DPP10: variants seen among roughly 807,000 people sequenced by gnomAD.
DPP10 encodes dipeptidyl peptidase like 10.
A neutral mutation model predicts 120.9 loss-of-function variants in DPP10; 33 were observed. That is an observed-to-expected ratio of 0.27 (90% CI 0.21 to 0.37). DPP10 has a LOEUF of 0.37. Among genes scored for constraint, DPP10 ranks in the 10% least tolerant of loss-of-function variants. DPP10 has a pLI of 1.00. For missense variants in DPP10, 816 were observed against 942.8 expected, an observed-to-expected ratio of 0.87 and a Z score of 1.76; for synonymous variants, 337 against 326.1, an observed-to-expected ratio of 1.03 and a Z score of -0.36.
chr2:114,527,913 G>A (rs1284772468), intron 1 of DPP10, among the ~76,000 whole-genome samples: 2 of 152,270 alleles, frequency 1.3e-5, no homozygotes, highest in East Asian at 1.9e-4. Context: ...TCAAAACATT[G>A]TGTTATAATC....
intron 1 of DPP10, among the ~76,000 whole-genome samples, chr2:115,283,007 A>G (rs930650548): frequency 6.6e-6 from 1 of 151,914 alleles, no homozygotes; most frequent in Non-Finnish European, 1.5e-5. Flanking sequence ...AGCCTTGAAT[A>G]TTTCCTAATT....
chr2:114,801,284 A>AAAG (rs59445904), intron 1 of DPP10, among the ~76,000 whole-genome samples: 69,967 of 132,344 alleles, frequency 0.53, 18,303 homozygotes, highest in East Asian at 0.77. Context: ...AAAAAAGAAA[A>AAAG]AAAGAAAGAA....
chr2:114,783,384 A>G (rs1388505713), intron 1 of DPP10, among the ~76,000 whole-genome samples: 2 of 152,174 alleles, frequency 1.3e-5, no homozygotes, highest in Non-Finnish European at 2.9e-5. Flanking sequence ...CCATCTCTTA[A>G]CACATTTTCA....
intron 1 of DPP10, among the ~76,000 whole-genome samples, chr2:114,499,468 C>T (rs763191384): frequency 1.3e-5 from 2 of 152,204 alleles, no homozygotes; most frequent in African/African-American, 2.4e-5. Context: ...CTATAGTACA[C>T]TCCATTATAT....
At chr2:115,058,182 G>C (rs1223721608) in intron 1 of DPP10, among the ~76,000 whole-genome samples, 1 of 148,706 alleles carries the variant, frequency 6.7e-6, no homozygotes, top group African/African-American at 2.5e-5. Context: ...TGATATCATA[G>C]AACTTTCTTT....
intron 1 of DPP10, among the ~76,000 whole-genome samples, chr2:114,808,965 C>T (rs1203793437): frequency 1.3e-5 from 2 of 152,038 alleles, no homozygotes; most frequent in Non-Finnish European, 2.9e-5. Context: ...GTGTCTATTA[C>T]CCCTAGAATT....
intron 1 of DPP10, among the ~76,000 whole-genome samples, chr2:114,636,269 A>G (rs966368000): frequency 6.6e-6 from 1 of 152,032 alleles, no homozygotes; most frequent in Non-Finnish European, 1.5e-5. Context: ...CACAGAGAAT[A>G]TTAAAAAGAT....
At chr2:115,503,034 A>T (rs2076764951) in intron 4 of DPP10, among the ~76,000 whole-genome samples, 1 of 152,054 alleles carries the variant, frequency 6.6e-6, no homozygotes, top group Non-Finnish European at 1.5e-5. Flanking sequence ...CATTAATATG[A>T]AAAGGAATAA....
intron 1 of DPP10, among the ~76,000 whole-genome samples, chr2:114,962,139 C>A (rs900749069): frequency 6.6e-6 from 1 of 151,942 alleles, no homozygotes; most frequent in East Asian, 1.9e-4. Flanking sequence ...ACTTCATCAT[C>A]GTAAGTATGT....
At chr2:114,501,709 T>A (rs1683198709) in intron 1 of DPP10, among the ~76,000 whole-genome samples, 1 of 152,182 alleles carries the variant, frequency 6.6e-6, no homozygotes, top group African/African-American at 2.4e-5. Flanking sequence ...ATATCTGTCA[T>A]CCTGCTTATG....
intron 1 of DPP10, among the ~76,000 whole-genome samples, chr2:114,950,465 T>A (rs1697700267): frequency 7.2e-6 from 1 of 139,560 alleles, no homozygotes; most frequent in Non-Finnish European, 1.6e-5. Context: ...CCGGTAATTT[T>A]TTTATTTTTT....
At chr2:115,029,385 A>G (rs1410621385) in intron 1 of DPP10, among the ~76,000 whole-genome samples, 2 of 151,334 alleles carry the variant, frequency 1.3e-5, no homozygotes, top group Admixed American at 1.3e-4. Flanking sequence ...AGAGTATTCT[A>G]GGTTTGTCTG....
At chr2:114,918,293 A>G (rs1020879259) in intron 1 of DPP10, among the ~76,000 whole-genome samples, 1 of 152,186 alleles carries the variant, frequency 6.6e-6, no homozygotes, top group Non-Finnish European at 1.5e-5. Context: ...GAAAAGTCAA[A>G]AAATAACATG....
chr2:114,459,685 T>C (rs2104561291), intron 1 of DPP10, among the ~76,000 whole-genome samples: 1 of 152,346 alleles, frequency 6.6e-6, no homozygotes, highest in Non-Finnish European at 1.5e-5. Flanking sequence ...GATAATCATC[T>C]AGTTTATTGT....
At chr2:115,260,305 A>G (rs1292307466) in intron 1 of DPP10, among the ~76,000 whole-genome samples, 1 of 152,172 alleles carries the variant, frequency 6.6e-6, no homozygotes, top group Non-Finnish European at 1.5e-5. Flanking sequence ...AATGGGTTCA[A>G]ATCATTCCGT....
At chr2:114,643,932 TA>T (rs1349921214) in intron 1 of DPP10, among the ~76,000 whole-genome samples, 37 of 128,568 alleles carry the variant, frequency 2.9e-4, no homozygotes, top group African/African-American at 1.1e-3. Context: ...TATATATATA[TA>T]TATTTTTTTT....
chr2:115,672,642 T>TTCTC (rs1239371566), intron 5 of DPP10, among the ~76,000 whole-genome samples: 1 of 142,552 alleles, frequency 7.0e-6, no homozygotes, highest in Admixed American at 6.9e-5. Flanking sequence ...CTTTCTTTCT[T>TTCTC]TCTCTCTCTC....
chr2:114,608,890 A>G lies in DPP10; in HGVS notation c.60+166052A>G, dbSNP rs1327294250. ...CCGTAGAAACTGGGGATGACTAGAA[A>G]GGGGAGAGAGGAAGGACGGCAAGGG... On this transcript the variant is annotated intron_variant, in intron 1 of 25. Transcript: ENST00000410059. 7.2e-5 allele frequency among the ~76,000 whole-genome samples: 11 copies of G among 152,246 alleles called. No individual in the cohort carries two copies. The East Asian group carries it at 2.1e-3, about 29-fold the overall frequency.
intron 1 of DPP10, among the ~76,000 whole-genome samples, chr2:114,574,331 T>C (rs1295136687): frequency 6.6e-6 from 1 of 152,118 alleles, no homozygotes; most frequent in Non-Finnish European, 1.5e-5. Context: ...AATCTCCCTC[T>C]CTAGCAGGGT....
Sources: gnomAD v4.1 joint callset for allele counts (sites outside exome capture counted in the v4.1 genomes callset) on GRCh38, gnomAD v4.1.1 for gene constraint, MANE v1.5 for transcripts, NCBI Gene and HGNC (gene_info 2026-07-23, HGNC 2026-07-21) for gene names.